The following DNASE1 variants were observed in gnomAD, a reference collection of about 807,000 sequenced individuals.
DNASE1 encodes the protein deoxyribonuclease 1, also known as deoxyribonuclease-1.
DNASE1 carries 40 observed loss-of-function variants against 33.9 expected under a neutral mutation model. The observed-to-expected ratio is 1.18, with a 90% confidence interval of 0.92 to 1.54. The LOEUF (loss-of-function observed/expected upper bound fraction) is 1.54, where lower values mean the gene tolerates loss of function less well. DNASE1 is among the 40% of genes most tolerant of loss of function. The pLI, the probability that DNASE1 is intolerant of heterozygous loss-of-function variation, is 0.00. For synonymous variants in DNASE1, 216 were observed against 160.0 expected, an observed-to-expected ratio of 1.35 and a Z score of -2.64; for missense variants, 518 against 372.6, an observed-to-expected ratio of 1.39 and a Z score of -3.21.
At chr16:3,646,059 G>A (rs1367113973) in intron 1 of DNASE1, among the ~76,000 whole-genome samples, 1 of 152,182 alleles carries the variant, frequency 6.6e-6, no homozygotes, top group Non-Finnish European at 1.5e-5. Flanking sequence ...AGCCAGCCGA[G>A]TAGAGCCAGC....
chr16:3,661,867 A>G, downstream of DNASE1: 5 of 1,300,134 alleles, frequency 3.8e-6, no homozygotes, highest in Non-Finnish European at 5.1e-6. Flanking sequence ...CCTTATAGTT[A>G]CCCACATGTC....
chr16:3,654,910 G>C lies in DNASE1; in HGVS notation c.-136G>C. 1 of 447,808 alleles carries C rather than the reference G, an allele frequency of 2.2e-6. No homozygotes were observed. The highest frequency in any genetic ancestry group is 3.9e-6 in the Non-Finnish European group (1 of 256,344). 27.7% of individuals were successfully genotyped at this position (447,808 alleles called of 1,614,324 possible). On this transcript the variant is annotated 5_prime_UTR_variant, in exon 1 of 9. Coordinates refer to ENST00000246949, the MANE Select transcript of DNASE1 (RefSeq NM_005223.4). ...CCAGCAGCACTGCCAGGGCCTTGAA[G>C]TGCTTCTTCAGAGACCTTTCTTCAT...
At chr16:3,656,797 T>G in intron 5 of DNASE1, 44 bp downstream of exon 5, 1 of 1,562,674 alleles carries the variant, frequency 6.4e-7, no homozygotes, top group Non-Finnish European at 8.7e-7. Flanking sequence ...TTGGCGCTTA[T>G]GGCCTCCACC....
At chr16:3,655,117 TC>T in intron 1 of DNASE1, 73 bp downstream of exon 1, 1 of 600,596 alleles carries the variant, frequency 1.7e-6, no homozygotes, top group African/African-American at 1.9e-5. Flanking sequence ...AGTCTCATCC[TC>T]CAGCAGCGAG....
chr16:3,618,727 C>T (rs192591400), intron 1 of DNASE1, among the ~76,000 whole-genome samples: 2 of 152,184 alleles, frequency 1.3e-5, no homozygotes, highest in Admixed American at 1.3e-4. Context: ...GAAACTCCGT[C>T]AAAAAGAAGA....
At chr16:3,658,747 G>GCTGGTAGC (rs780020921), downstream of DNASE1, 2 of 1,571,938 alleles carry the variant, frequency 1.3e-6, no homozygotes, top group Non-Finnish European at 1.7e-6. Flanking sequence ...GGCTGGCAGG[G>GCTGGTAGC]CTGGTAGCCT....
intron 8 of DNASE1, 36 bp from the exon 9 acceptor site, chr16:3,657,870 A>C: frequency 6.2e-7 from 1 of 1,614,024 alleles, no homozygotes; most frequent in Non-Finnish European, 8.5e-7. Context: ...GAGCTCAGGT[A>C]GGCTCAGCCC....
intron 1 of DNASE1, among the ~76,000 whole-genome samples, chr16:3,637,874 C>T (rs1049027598): frequency 3.3e-5 from 5 of 152,158 alleles, no homozygotes; most frequent in African/African-American, 7.2e-5. Flanking sequence ...AGCTCCAGTT[C>T]ACCCTGTTGA....
intron 1 of DNASE1, 95 bp downstream of exon 1, chr16:3,655,139 G>T (rs2042509877): frequency 3.3e-6 from 2 of 609,178 alleles, no homozygotes; most frequent in South Asian, 4.0e-5. Flanking sequence ...TGAGGCGGAG[G>T]CTCCAGCGTC....
chr16:3,613,822 A>G (rs1461542612), intron 1 of DNASE1, among the ~76,000 whole-genome samples: 2 of 150,322 alleles, frequency 1.3e-5, no homozygotes, highest in African/African-American at 2.5e-5. Flanking sequence ...GGTGTGTGCA[A>G]CCTCCACTTC....
downstream of DNASE1, chr16:3,662,078 C>G: frequency 6.2e-7 from 1 of 1,613,196 alleles, no homozygotes; most frequent in Non-Finnish European, 8.5e-7. Context: ...TGGCGGGCAG[C>G]CCCCATCTCC....
downstream of DNASE1, chr16:3,658,701 G>A (rs184659002): frequency 1.1e-5 from 13 of 1,204,648 alleles, no homozygotes; most frequent in Non-Finnish European, 1.5e-5. Context: ...AAAAAGACAG[G>A]ATTTTAGAGG....
At chr16:3,641,636 G>A (rs1484006770), upstream of DNASE1, among the ~76,000 whole-genome samples, 2 of 152,222 alleles carry the variant, frequency 1.3e-5, no homozygotes, top group African/African-American at 2.4e-5. Context: ...AAAACACGAA[G>A]TGCTTTCTGC....
chr16:3,628,679 CT>C (rs2041600229), intron 1 of DNASE1, among the ~76,000 whole-genome samples: 1 of 151,314 alleles, frequency 6.6e-6, no homozygotes, highest in African/African-American at 2.4e-5. Flanking sequence ...CTGCCTCAGG[CT>C]CCCGAATAGC....
intron 1 of DNASE1, among the ~76,000 whole-genome samples, chr16:3,646,387 AGCCATAAATAAGCCG>A (rs1305016046): frequency 6.6e-6 from 1 of 152,136 alleles, no homozygotes; most frequent in Non-Finnish European, 1.5e-5. Context: ...CCTGGAAGCC[AGCCATAAATAAGCCG>A]GCCATAAACG....
upstream of DNASE1, among the ~76,000 whole-genome samples, chr16:3,650,090 T>C (rs1027077576): frequency 1.1e-4 from 16 of 152,372 alleles, no homozygotes; most frequent in Admixed American, 7.2e-4. Context: ...TCTAGTTTTG[T>C]TTGTAAGTAG....
intron 1 of DNASE1, among the ~76,000 whole-genome samples, chr16:3,632,495 T>C (rs546832312): frequency 5.9e-4 from 90 of 152,320 alleles, no homozygotes; most frequent in African/African-American, 2.1e-3. Flanking sequence ...TTCCTTGCTC[T>C]GAAGTCTGCT....
At chr16:3,653,383 G>C (rs1453588583), upstream of DNASE1, 1 of 152,184 alleles carries the variant, frequency 6.6e-6, no homozygotes, top group African/African-American at 2.4e-5. Context: ...CCAGTCTCAG[G>C]AAATGAATAC....
At chr16:3,626,432 G>A (rs1470086764) in intron 1 of DNASE1, among the ~76,000 whole-genome samples, 9 of 152,172 alleles carry the variant, frequency 5.9e-5, no homozygotes. Flanking sequence ...CAAGTGTTTG[G>A]AGAGTTCCCT....
Sources: gnomAD v4.1 joint callset for allele counts (sites outside exome capture counted in the v4.1 genomes callset) on GRCh38, gnomAD v4.1.1 for gene constraint, MANE v1.5 for transcripts, NCBI Gene and HGNC (gene_info 2026-07-23, HGNC 2026-07-21) for gene names.